Variants in PLOD2 observed in about 807,000 individuals in gnomAD.
The protein encoded by PLOD2 is procollagen-lysine,2-oxoglutarate 5-dioxygenase 2.
PLOD2 carries 65 observed loss-of-function variants against 101.0 expected under a neutral mutation model. That is an observed-to-expected ratio of 0.64 (90% CI 0.53 to 0.79). The LOEUF is 0.79. Ranked by LOEUF, PLOD2 falls within the 30% of genes least tolerant of loss-of-function variation. The probability of loss-of-function intolerance (pLI) is 0.00; values close to 1 mark genes in which losing one functional copy is unlikely to be tolerated. For synonymous variants in PLOD2, 314 were observed against 302.9 expected (o/e 1.04, Z -0.38); for missense variants, 909 against 914.6 (o/e 0.99, Z 0.08).
At chr3:146,086,745 T>C (rs770377287) in intron 10 of PLOD2, 42 bp downstream of exon 10, 2 of 1,265,714 alleles carry the variant, frequency 1.6e-6, no homozygotes, top group East Asian at 2.6e-5. Flanking sequence ...AACGTTTCCT[T>C]AGTAAAATAA....
chr3:146,138,579 A>C (rs879797204), intron 1 of PLOD2, among the ~76,000 whole-genome samples: 28 of 152,266 alleles, frequency 1.8e-4, no homozygotes, highest in Non-Finnish European at 3.4e-4. Context: ...CAGGCCTCAT[A>C]CATTGGCAGT....
At chr3:146,158,220 C>A (rs2032394931) in intron 1 of PLOD2, among the ~76,000 whole-genome samples, 1 of 152,096 alleles carries the variant, frequency 6.6e-6, no homozygotes, top group Non-Finnish European at 1.5e-5. Context: ...GATTTACTGG[C>A]ACTGATTAAG....
chr3:146,077,023 A>G (rs1472971190), intron 14 of PLOD2, 128 bp from the exon 15 acceptor site: 1 of 1,289,648 alleles, frequency 7.8e-7, no homozygotes, highest in Non-Finnish European at 1.0e-6. Flanking sequence ...CATTTTTAGT[A>G]TTCATATAAA....
chr3:146,129,674 G>A (rs141676971), intron 1 of PLOD2, among the ~76,000 whole-genome samples: 144 of 152,208 alleles, frequency 9.5e-4, no homozygotes, highest in African/African-American at 3.3e-3. Context: ...ATAGACTGTA[G>A]GTGATGTGCA....
rs1266212301 is a variant in PLOD2, at chr3:146,100,314, T to C, written c.777+2441A>G. 1.6e-4 allele frequency among the ~76,000 whole-genome samples: 24 copies of C among 152,360 alleles called. No homozygotes were observed. The South Asian group carries it at 3.3e-3, about 21-fold the overall frequency. On this transcript the variant is annotated intron_variant, in intron 7 of 19. Coordinates refer to ENST00000282903, the MANE Select transcript of PLOD2 (RefSeq NM_182943.3). ...GATTTGTTGAAAGCGTAGTATTCGC[T>C]ACACATGTGCTGGACCCTGGGGAAA...
intron 7 of PLOD2, among the ~76,000 whole-genome samples, chr3:146,097,375 A>G (rs1410530790): frequency 7.3e-6 from 1 of 137,156 alleles, no homozygotes; most frequent in African/African-American, 2.8e-5. Flanking sequence ...GGGTGGGGAA[A>G]AAATTGAGAA....
intron 1 of PLOD2, among the ~76,000 whole-genome samples, chr3:146,155,292 C>T (rs1243682495): frequency 1.3e-5 from 2 of 151,508 alleles, no homozygotes; most frequent in Admixed American, 6.6e-5. Context: ...TCACTGCATT[C>T]TAGCCTGACC....
At chr3:146,097,011 C>A (rs1167673759) in intron 7 of PLOD2, among the ~76,000 whole-genome samples, 1 of 145,358 alleles carries the variant, frequency 6.9e-6, no homozygotes, top group Non-Finnish European at 1.5e-5. Context: ...GGGGGGTCAG[C>A]CCCCCGCCCG....
chr3:146,137,791 A>T (rs80208937), intron 1 of PLOD2, among the ~76,000 whole-genome samples: 3,124 of 152,228 alleles, frequency 0.021, 104 homozygotes, highest in African/African-American at 0.071. Context: ...CTCAACAGGG[A>T]TCACACTAAA....
chr3:146,071,488 AT>A (rs908373658), intron 17 of PLOD2, 65 bp from the exon 18 acceptor site: 66 of 1,467,208 alleles, frequency 4.5e-5, no homozygotes, highest in African/African-American at 2.9e-4. Context: ...ATATTATAGT[AT>A]TTTTTTTCAA....
rs1441381276 is a variant in PLOD2, at chr3:146,118,052, A to G, written c.338+3060T>C. Among the ~76,000 whole-genome samples the G allele has an allele frequency of 3.3e-5, 5 of 152,292 alleles. No homozygotes were observed. In the East Asian group the frequency reaches 9.6e-4, roughly 29 times the overall value. ...CTGACTCACATGTAGTAACTCTTACAAGGAGAATCTGCCTCAGAGCCAAAG... is the reference window on the plus strand; with the variant it reads ...CTGACTCACATGTAGTAACTCTTACGAGGAGAATCTGCCTCAGAGCCAAAG... On this transcript the variant is annotated intron_variant, in intron 3 of 19. Coordinates refer to ENST00000282903, the MANE Select transcript of PLOD2 (RefSeq NM_182943.3).
chr3:146,129,558 T>A (rs1310263853), intron 1 of PLOD2, among the ~76,000 whole-genome samples: 1 of 152,122 alleles, frequency 6.6e-6, no homozygotes, highest in Non-Finnish European at 1.5e-5. Context: ...CTGACAGTAT[T>A]TCCATGAGAG....
At position 146,106,455 on chromosome 3, in the gene PLOD2, G is replaced by C. The variant is rs1280374529; in HGVS notation, c.615+77C>G. On this transcript the variant is annotated intron_variant, in intron 5 of 19. Transcript: ENST00000282903. Reference sequence around the variant, plus strand: ...ATACTATCATAAAACCTTTGTTTCTGACCACTCCACATTAACACAATATAA... The same window carrying C: ...ATACTATCATAAAACCTTTGTTTCTCACCACTCCACATTAACACAATATAA... 1.8e-5 allele frequency: 14 copies of C among 785,128 alleles called. No homozygotes were observed. In the East Asian group the frequency reaches 3.2e-4, roughly 18 times the overall value. The allele number at this position is 785,128 out of a possible 1,614,324, so 48.6% of individuals were successfully genotyped here. A position where few individuals can be genotyped will look rare whatever the true frequency, so the allele number is the denominator to read the frequency against.
At chr3:146,080,656 T>C (rs1206853536) in intron 12 of PLOD2, among the ~76,000 whole-genome samples, 1 of 152,028 alleles carries the variant, frequency 6.6e-6, no homozygotes, top group Non-Finnish European at 1.5e-5. Context: ...AAATCACCAA[T>C]GCCTAAAGCA....
chr3:146,157,753 C>G (rs1037544028), intron 1 of PLOD2, among the ~76,000 whole-genome samples: 8 of 152,118 alleles, frequency 5.3e-5, no homozygotes, highest in African/African-American at 1.7e-4. Flanking sequence ...ATAAAAGGCA[C>G]AGTCTGTTTA....
chr3:146,111,387 T>C (rs1025948847), intron 3 of PLOD2, among the ~76,000 whole-genome samples: 3 of 152,160 alleles, frequency 2.0e-5, no homozygotes, highest in Non-Finnish European at 2.9e-5. Context: ...CCTCTGCCAC[T>C]TGATATGAGA....
chr3:146,119,609 C>T (rs1400622395), intron 3 of PLOD2, among the ~76,000 whole-genome samples: 1 of 151,888 alleles, frequency 6.6e-6, no homozygotes. Flanking sequence ...CACTCCACAA[C>T]AGGCCCCCGT....
intron 1 of PLOD2, among the ~76,000 whole-genome samples, chr3:146,143,046 T>C (rs780679160): frequency 6.6e-6 from 1 of 152,130 alleles, no homozygotes; most frequent in Non-Finnish European, 1.5e-5. Context: ...TTTTGCAGAA[T>C]GCTTTTTCCC....
At chr3:146,072,816 A>C (rs988256743) in intron 16 of PLOD2, 151 bp from the exon 17 acceptor site, 2 of 635,584 alleles carry the variant, frequency 3.1e-6, no homozygotes, top group African/African-American at 3.7e-5. Context: ...TTTTTTTCTC[A>C]TGGTACATAA....
Sources: gnomAD v4.1 joint callset for allele counts (sites outside exome capture counted in the v4.1 genomes callset) on GRCh38, gnomAD v4.1.1 for gene constraint, MANE v1.5 for transcripts, NCBI Gene and HGNC (gene_info 2026-07-23, HGNC 2026-07-21) for gene names.